VOPP1: variants seen among roughly 807,000 people sequenced by gnomAD.
The protein encoded by VOPP1 is WW domain binding protein VOPP1.
A neutral mutation model predicts 23.5 loss-of-function variants in VOPP1; 8 were observed. The observed-to-expected ratio is 0.34, with a 90% CI of 0.20 to 0.61. The LOEUF (loss-of-function observed/expected upper bound fraction) is 0.61, where lower values mean the gene tolerates loss of function less well. Ranked by LOEUF, VOPP1 falls within the 20% of genes least tolerant of loss-of-function variation. The pLI, the probability that VOPP1 is intolerant of heterozygous loss-of-function variation, is 0.78. For missense variants in VOPP1, 174 were observed against 238.1 expected, an observed-to-expected ratio of 0.73 and a Z score of 1.77; for synonymous variants, 83 against 97.3, an observed-to-expected ratio of 0.85 and a Z score of 0.86.
At chr7:55,441,994 T>C (rs1164190438) in intron 4 of VOPP1, among the ~76,000 whole-genome samples, 2 of 152,258 alleles carry the variant, frequency 1.3e-5, no homozygotes, top group African/African-American at 4.8e-5. Flanking sequence ...CTCTGATACA[T>C]TTAATGCATT....
At chr7:55,450,503 T>C (rs996626498) in intron 4 of VOPP1, among the ~76,000 whole-genome samples, 1 of 152,242 alleles carries the variant, frequency 6.6e-6, no homozygotes, top group Non-Finnish European at 1.5e-5. Flanking sequence ...AAACTGGATT[T>C]TGAATATGGA....
intron 2 of VOPP1, chr7:55,515,886 C>A (rs1215788310): frequency 1.2e-6 from 1 of 802,348 alleles, no homozygotes; most frequent in Non-Finnish European, 1.5e-6. Flanking sequence ...GGGAAGTGTG[C>A]TGTTTGCTGC....
intron 4 of VOPP1, among the ~76,000 whole-genome samples, chr7:55,442,779 G>T (rs563476854): frequency 6.6e-5 from 10 of 152,312 alleles, no homozygotes; most frequent in Non-Finnish European, 1.3e-4. Flanking sequence ...GCTAGGCCCA[G>T]AGAGTGGGTG....
chr7:55,492,353 T>A lies in VOPP1; in HGVS notation c.257A>T (p.Tyr86Phe), dbSNP rs751325594. 2 of 1,594,732 alleles carry A rather than the reference T, an allele frequency of 1.3e-6. No individual in the cohort carries two copies. The highest frequency in any genetic ancestry group is 2.7e-5 in the African/African-American group (2 of 74,366). The change falls in exon 4 of 5, where the codon TAC (tyrosine) becomes TTC (phenylalanine). Residue 86 changes from tyrosine to phenylalanine, a missense_variant. Physicochemically the swap from Tyr to Phe is conservative, Grantham distance 22 (BLOSUM62 3). Transcript: ENST00000285279. The part of the protein sequence containing the change: ...GAGFFIRRRM[Y>F]PPPLIEEPAF... ...TGGCTCCTCGATCAGCGGCGGGGGGTACATGCGCCTCCGGATGAAGAAGCC... is the reference window on the plus strand; with the variant it reads ...TGGCTCCTCGATCAGCGGCGGGGGGAACATGCGCCTCCGGATGAAGAAGCC...
downstream of VOPP1, among the ~76,000 whole-genome samples, chr7:55,466,056 G>A (rs1295943411): frequency 6.6e-6 from 1 of 152,176 alleles, no homozygotes; most frequent in Non-Finnish European, 1.5e-5. Context: ...GCCCCAGAGA[G>A]AGAACCCCTC....
chr7:55,550,392 T>C (rs1229479214), intron 1 of VOPP1, among the ~76,000 whole-genome samples: 3 of 152,196 alleles, frequency 2.0e-5, no homozygotes, highest in African/African-American at 4.8e-5. Context: ...GAAACAATGA[T>C]AGAATATTTA....
intron 4 of VOPP1, among the ~76,000 whole-genome samples, chr7:55,461,146 A>G (rs964097112): frequency 3.3e-5 from 5 of 152,122 alleles, no homozygotes; most frequent in African/African-American, 9.7e-5. Flanking sequence ...TGGAAAACCA[A>G]ACACCATATG....
chr7:55,439,648 G>C (rs1415526216), intron 4 of VOPP1, among the ~76,000 whole-genome samples: 3 of 152,226 alleles, frequency 2.0e-5, no homozygotes, highest in African/African-American at 7.2e-5. Flanking sequence ...CCGGGACTAG[G>C]GATCCGACAG....
intron 1 of VOPP1, among the ~76,000 whole-genome samples, chr7:55,548,265 C>T (rs558377387): frequency 6.6e-6 from 1 of 152,336 alleles, no homozygotes; most frequent in East Asian, 1.9e-4. Context: ...CCCCCAACCC[C>T]TAAACATGTC....
chr7:55,497,598 G>A lies in VOPP1; in HGVS notation c.191+15C>T. On this transcript the variant is annotated intron_variant, in intron 3 of 4. Coordinates refer to ENST00000285279, the MANE Select transcript of VOPP1 (RefSeq NM_030796.5). ...GAGCTCTCGGGGTAGGGAACAAGGA[G>A]GAGTTGTGACCTACCAGAAGTACCA... is the stretch of plus-strand genomic sequence containing the variant. 1 of 1,596,942 alleles carries A rather than the reference G, an allele frequency of 6.3e-7. No individual in the cohort carries two copies. Among genetic ancestry groups the A allele is most frequent in the Non-Finnish European group, 8.6e-7 (1 of 1,165,372 alleles).
intron 4 of VOPP1, among the ~76,000 whole-genome samples, chr7:55,459,914 T>A (rs553128834): frequency 1.3e-5 from 2 of 152,230 alleles, no homozygotes; most frequent in South Asian, 4.1e-4. Flanking sequence ...ATTTTGGGTT[T>A]GGTTTGTCAT....
At chr7:55,521,769 C>A (rs1795879960) in intron 1 of VOPP1, 2 of 985,608 alleles carry the variant, frequency 2.0e-6, no homozygotes, top group Non-Finnish European at 2.4e-6. Context: ...TGGGTGAGTG[C>A]ACACAGGCAT....
chr7:55,532,953 G>A (rs1796578549), intron 1 of VOPP1, among the ~76,000 whole-genome samples: 1 of 152,136 alleles, frequency 6.6e-6, no homozygotes, highest in African/African-American at 2.4e-5. Flanking sequence ...AAATGTTAAG[G>A]GACTAAGCTG....
chr7:55,466,612 G>A (rs139581986), downstream of VOPP1, among the ~76,000 whole-genome samples: 47 of 152,264 alleles, frequency 3.1e-4, 1 homozygote, highest in East Asian at 9.1e-3. Flanking sequence ...TCCAGGGGCT[G>A]TGGGAAAGCC....
At chr7:55,528,502 T>C (rs1433274079) in intron 1 of VOPP1, among the ~76,000 whole-genome samples, 1 of 152,130 alleles carries the variant, frequency 6.6e-6, no homozygotes, top group South Asian at 2.1e-4. Flanking sequence ...CTGGTCAACA[T>C]GGTAAAACCC....
rs116058270 is a variant in VOPP1 at position 55,519,258 on chromosome 7, G to C, written c.113+1814C>G. Among the ~76,000 whole-genome samples, 187 of 152,316 alleles carry C rather than the reference G, an allele frequency of 1.2e-3. 2 individuals are homozygous for C. Among genetic ancestry groups the C allele is most frequent in the African/African-American group, 4.2e-3 (173 of 41,562 alleles). ...AGCGCGAAAGGAAACTGGGCCACAG[G>C]ACTGAGTGACAAAAGCAGGGCTTGT... On this transcript the variant is annotated intron_variant, in intron 2 of 4. Coordinates refer to ENST00000285279, the MANE Select transcript of VOPP1 (RefSeq NM_030796.5).
intron 4 of VOPP1, among the ~76,000 whole-genome samples, chr7:55,463,266 T>C (rs1791550940): frequency 6.6e-6 from 1 of 152,328 alleles, no homozygotes; most frequent in South Asian, 2.1e-4. Flanking sequence ...TTTTTGGGCA[T>C]TTCATGTATT....
intron 4 of VOPP1, among the ~76,000 whole-genome samples, chr7:55,483,004 C>A (rs1007389648): frequency 3.3e-5 from 5 of 152,240 alleles, no homozygotes; most frequent in Middle Eastern, 3.4e-3. Context: ...CAAGCATCTG[C>A]CAGAAATTAG....
At chr7:55,552,386 C>T (rs1308324070) in intron 1 of VOPP1, among the ~76,000 whole-genome samples, 2 of 152,122 alleles carry the variant, frequency 1.3e-5, no homozygotes, top group African/African-American at 4.8e-5. Flanking sequence ...AAATAGTTTC[C>T]CATTTCTGTC....
Sources: gnomAD v4.1 joint callset for allele counts (sites outside exome capture counted in the v4.1 genomes callset) on GRCh38, gnomAD v4.1.1 for gene constraint, MANE v1.5 for transcripts, NCBI Gene and HGNC (gene_info 2026-07-23, HGNC 2026-07-21) for gene names.